Variants in FBN3 observed in about 807,000 individuals in gnomAD.
The protein encoded by FBN3 is fibrillin 3.
In FBN3, 234 loss-of-function variants were observed where a neutral mutation model predicts 330.1. The observed-to-expected ratio is 0.71, with a 90% confidence interval of 0.64 to 0.79. The LOEUF (loss-of-function observed/expected upper bound fraction) is 0.79, where lower values mean the gene tolerates loss of function less well. Ranked by LOEUF, FBN3 falls within the 30% of genes least tolerant of loss-of-function variation. The pLI is 0.00. For missense variants in FBN3, 3,606 were observed against 3,886.9 expected (o/e 0.93, Z 1.92); for synonymous variants, 1,458 against 1,517.3 (o/e 0.96, Z 0.91).
At chr19:8,118,636 C>A in intron 26 of FBN3, among the ~76,000 whole-genome samples, 1 of 152,248 alleles carries the variant, frequency 6.6e-6, no homozygotes, top group Admixed American at 6.5e-5. Flanking sequence ...CACAAATGCA[C>A]AAACGCTTGC....
intron 18 of FBN3, 92 bp downstream of exon 18, chr19:8,128,936 G>A: frequency 6.9e-7 from 1 of 1,449,830 alleles, no homozygotes; most frequent in Non-Finnish European, 9.3e-7. Context: ...GCATCTTTGA[G>A]CGTGTGCATG....
intron 34 of FBN3, 133 bp downstream of exon 34, chr19:8,110,712 G>A (rs1007891831): frequency 1.8e-5 from 22 of 1,220,706 alleles, no homozygotes; most frequent in South Asian, 4.3e-5. Flanking sequence ...CAGGCAAGGC[G>A]CCCCCCACCC....
chr19:8,121,443 G>C lies in FBN3; in HGVS notation c.3083-57C>G, dbSNP rs879148436. ...CCATGTGGGCCGCATCATGGGGCAC[G>C]AGGCAGGGGGGTCCCTGTCCTTTGA... On this transcript the variant is annotated intron_variant, in intron 24 of 63. Coordinates refer to ENST00000600128, the MANE Select transcript of FBN3 (RefSeq NM_032447.5). The surrounding 1 kb of genome is among the most constrained non-coding windows in gnomAD (Gnocchi z 4.5). 128 of 1,486,936 alleles carry C rather than the reference G, an allele frequency of 8.6e-5. 3 individuals carry two copies. In the South Asian group the frequency reaches 1.7e-3, roughly 19 times the overall value. 92.1% of individuals were successfully genotyped at this position (1,486,936 alleles called of 1,614,324 possible). A position where few individuals can be genotyped will look rare whatever the true frequency, so the allele number is the denominator to read the frequency against.
intron 30 of FBN3, among the ~76,000 whole-genome samples, chr19:8,113,385 C>T (rs2082633355): frequency 6.6e-6 from 1 of 152,192 alleles, no homozygotes; most frequent in African/African-American, 2.4e-5. Flanking sequence ...AATCCTCAGC[C>T]TCTTGAGTAG....
At chr19:8,135,936 G>GCACCCCCCCCC in intron 13 of FBN3, 25 bp downstream of exon 13, 6 of 668,776 alleles carry the variant, frequency 9.0e-6, no homozygotes, top group South Asian at 3.2e-5. Context: ...GGAAGCCCCT[G>GCACCCCCCCCC]CCCACCCGCC....
intron 38 of FBN3, among the ~76,000 whole-genome samples, chr19:8,105,781 T>G (rs1401556595): frequency 6.6e-6 from 1 of 152,066 alleles, no homozygotes; most frequent in Non-Finnish European, 1.5e-5. Context: ...CAGACAAAAA[T>G]AAACTTTTGC....
chr19:8,137,379 C>A (rs1239977918), intron 10 of FBN3, among the ~76,000 whole-genome samples: 1 of 151,768 alleles, frequency 6.6e-6, no homozygotes, highest in African/African-American at 2.4e-5. Flanking sequence ...CTAGATCCCT[C>A]CAACCTGGAG....
intron 47 of FBN3, 149 bp downstream of exon 47, chr19:8,094,297 A>G: frequency 2.5e-6 from 2 of 808,088 alleles, no homozygotes; most frequent in Non-Finnish European, 3.6e-6. Flanking sequence ...AACAATCAGA[A>G]TGACAATAAT....
chr19:8,139,596 C>T (rs1026822622), intron 8 of FBN3, among the ~76,000 whole-genome samples: 8 of 151,650 alleles, frequency 5.3e-5, no homozygotes, highest in Non-Finnish European at 7.4e-5. Flanking sequence ...CAGAAGCCTA[C>T]GAGACTGTGA....
In FBN3 at chr19:8,109,448, T is replaced by TGCATGC; in HGVS notation, c.4457-66_4457-61dup. The TGCATGC allele has an allele frequency of 6.3e-7, 1 of 1,577,020 alleles. No homozygotes were observed. The highest frequency in any genetic ancestry group is 8.7e-7 in the Non-Finnish European group (1 of 1,149,070). ...AGAGGGAAAGCTGTATGTGTGCGTG[T>TGCATGC]GCATGCATGTGTCTATTTCAACAGG... On this transcript the variant is annotated intron_variant, in intron 35 of 63. Coordinates refer to ENST00000600128, the MANE Select transcript of FBN3 (RefSeq NM_032447.5). This position sits in a 1 kb window ranked among gnomAD's most constrained non-coding sequence, Gnocchi z 5.2.
At chr19:8,117,353 G>T (rs972268435) in intron 27 of FBN3, 62 bp from the exon 28 acceptor site, 3 of 1,532,760 alleles carry the variant, frequency 2.0e-6, no homozygotes, top group Admixed American at 2.0e-5. Context: ...TGGGGAGGGG[G>T]CTGGTTTGGG....
rs891039660 is a variant in FBN3 at position 8,121,569 on chromosome 19, C to T, written c.3083-183G>A. 3.9e-5 allele frequency among the ~76,000 whole-genome samples: 6 copies of T among 151,952 alleles called. No homozygotes were observed. The highest frequency in any genetic ancestry group is 1.3e-4 in the Admixed American group (2 of 15,248). Reference sequence around the variant, plus strand: ...ATGATGGGGTGCCGTATGGGGTCATCGAATCTGTAGATATGACAGGCAGAA... The same window carrying T: ...ATGATGGGGTGCCGTATGGGGTCATTGAATCTGTAGATATGACAGGCAGAA... On this transcript the variant is annotated intron_variant, in intron 24 of 63. Transcript: ENST00000600128. The surrounding 1 kb of genome is among the most constrained non-coding windows in gnomAD (Gnocchi z 4.5).
chr19:8,123,444 G>A lies in FBN3; in HGVS notation c.3082+20C>T, dbSNP rs773678692. The A allele has an allele frequency of 2.5e-6, 4 of 1,611,548 alleles. No homozygotes were observed. The highest frequency in any genetic ancestry group is 2.5e-6 in the Non-Finnish European group (3 of 1,178,350). ...CTGCCAAGGATCACGCTCTCTCCAA[G>A]AGGCAGAGGTGGCACCTACCTGTGC... is the stretch of plus-strand genomic sequence containing the variant. On this transcript the variant is annotated intron_variant, in intron 24 of 63. Coordinates refer to ENST00000600128, the MANE Select transcript of FBN3 (RefSeq NM_032447.5).
chr19:8,102,186 G>A (rs971680320), intron 40 of FBN3, among the ~76,000 whole-genome samples: 11 of 151,866 alleles, frequency 7.2e-5, no homozygotes, highest in East Asian at 1.9e-4. Context: ...GTGGAACTGC[G>A]AGTCCATTAA....
At chr19:8,091,342 A>G in intron 48 of FBN3, 123 bp downstream of exon 48, 2 of 1,304,880 alleles carry the variant, frequency 1.5e-6, no homozygotes, top group Non-Finnish European at 2.1e-6. Context: ...ATGCAAACAG[A>G]CACCTCTGCC....
intron 54 of FBN3, 143 bp downstream of exon 54, chr19:8,086,934 G>A (rs2081976411): frequency 1.0e-6 from 1 of 983,732 alleles, no homozygotes; most frequent in Non-Finnish European, 1.4e-6. Context: ...TCAAATTCCT[G>A]GGCTCAAGCG....
intron 10 of FBN3, among the ~76,000 whole-genome samples, chr19:8,137,209 GGGCCTAGATATCTCC>G (rs2083308308): frequency 6.6e-6 from 1 of 150,640 alleles, no homozygotes; most frequent in Non-Finnish European, 1.5e-5. Flanking sequence ...CTCCAACCTG[GGGCCTAGATATCTCC>G]AACCTGGGGC....
chr19:8,129,588 G>T lies in FBN3; in HGVS notation c.2045-223C>A, dbSNP rs1042939106. ...TTTTTGCTGTGAGGGGCCATCCCAC[G>T]CATTTTAGGATGTCGAGCAGCTCCC... is the stretch of plus-strand genomic sequence containing the variant. On this transcript the variant is annotated intron_variant, in intron 16 of 63. Coordinates refer to ENST00000600128, the MANE Select transcript of FBN3 (RefSeq NM_032447.5). The surrounding 1 kb of genome is among the most constrained non-coding windows in gnomAD (Gnocchi z 4.5). 9.2e-5 allele frequency among the ~76,000 whole-genome samples: 14 copies of T among 152,138 alleles called. No individual in the cohort carries two copies.
At position 8,075,166 on chromosome 19, in the gene FBN3, T is replaced by C; in HGVS notation, c.7607A>G (p.His2536Arg). 2 of 1,570,724 alleles carry C rather than the reference T, an allele frequency of 1.3e-6. No individual in the cohort carries two copies. Among genetic ancestry groups the C allele is most frequent in the Non-Finnish European group, 8.6e-7 (1 of 1,156,720 alleles). The stretch of plus-strand genomic sequence containing the variant: ...GTTCTGACAGCCATGCTGGCAGCGG[T>C]GGGGCCCATCACATTCATTCACATC... ...CEDVNECDGP[H>R]RCQHGCQNQL... The change falls in exon 61 of 64, where the codon CAC (histidine) becomes CGC (arginine). Residue 2536 changes from histidine to arginine, a missense_variant. By Grantham distance (29) the His-to-Arg change is conservative. Coordinates refer to ENST00000600128, the MANE Select transcript of FBN3 (RefSeq NM_032447.5).
Sources: allele counts gnomAD v4.1 joint callset (sites outside exome capture counted in the v4.1 genomes callset), GRCh38; gene constraint gnomAD v4.1.1; non-coding constraint Gnocchi (gnomAD v3.1); transcripts MANE v1.5; gene names NCBI Gene and HGNC (gene_info 2026-07-23, HGNC 2026-07-21).